ERBIN: variants seen among roughly 807,000 people sequenced by gnomAD.
ERBIN encodes erbb2 interacting protein.
In ERBIN, 60 loss-of-function variants were observed where a neutral mutation model predicts 158.4. The ratio of observed to expected loss-of-function variants is 0.38; its 90% CI spans 0.31 to 0.47. ERBIN has a LOEUF of 0.47. Ranked by LOEUF, ERBIN falls within the 20% of genes least tolerant of loss-of-function variation. The pLI is 0.99. For synonymous variants in ERBIN, 594 were observed against 557.2 expected (o/e 1.07, Z -0.93); for missense variants, 1,610 against 1,648.0 (o/e 0.98, Z 0.40).
rs1762348176 is a variant in ERBIN, at chr5:66,080,691, T to C, written c.*2161T>C. 6.6e-6 allele frequency: 1 copy of C among 152,080 alleles called. No homozygotes were observed. Among genetic ancestry groups the C allele is most frequent in the Non-Finnish European group, 1.5e-5 (1 of 67,920 alleles). The allele number at this position is 152,080 out of a possible 1,614,324, so 9.4% of individuals were successfully genotyped here. ...TTCAACTACTTTACCTTGAACCACA[T>C]ATACCAATTATAATTTTGGAAAAGG... On this transcript the variant is annotated 3_prime_UTR_variant, in exon 26 of 26. Transcript: ENST00000284037.
chr5:65,958,524 G>A (rs767731892), intron 1 of ERBIN, among the ~76,000 whole-genome samples: 2 of 152,182 alleles, frequency 1.3e-5, no homozygotes, highest in Non-Finnish European at 2.9e-5. Context: ...GGCAGGCTGA[G>A]GCAGGAGAAT....
Position 65,965,382 on chromosome 5 carries a change from G to GTTTT in ERBIN, c.-57-23215_-57-23212dup, listed in dbSNP as rs200847060. On this transcript the variant is annotated intron_variant, in intron 1 of 25. Coordinates refer to ENST00000284037, the MANE Select transcript of ERBIN (RefSeq NM_001253697.2). ...GTTCTTACCAGATTTGTTTTTTGTT[G>GTTTT]TTTTTTTTTTTTTTTTTTTTTTTTT... 9.8e-4 allele frequency among the ~76,000 whole-genome samples: 94 copies of GTTTT among 96,036 alleles called. 3 individuals carry two copies. Among genetic ancestry groups the GTTTT allele is most frequent in the Non-Finnish European group, 1.4e-3 (68 of 48,692 alleles). The allele number at this position is 96,036 out of a possible 152,430, so 63.0% of individuals were successfully genotyped here.
At chr5:65,947,868 A>T (rs890875303) in intron 1 of ERBIN, among the ~76,000 whole-genome samples, 3 of 152,002 alleles carry the variant, frequency 2.0e-5, no homozygotes, top group African/African-American at 7.3e-5. Flanking sequence ...TTAGCCAGGC[A>T]TGGTGGCAGG....
intron 1 of ERBIN, among the ~76,000 whole-genome samples, chr5:65,963,990 G>A (rs55716570): frequency 0.055 from 8,307 of 151,932 alleles, 468 homozygotes; most frequent in African/African-American, 0.15. Flanking sequence ...TAGTAGAGAC[G>A]GGGTTTCACC....
In ERBIN at chr5:66,054,470, C is replaced by A; in HGVS notation, c.3152C>A (p.Ala1051Glu). The change falls in exon 21 of 26, where the codon GCA (alanine) becomes GAA (glutamate). Residue 1051 changes from alanine (A) to glutamate (E), a missense_variant. Ala to Glu is a moderately radical substitution (Grantham distance 107). Around this residue, in one of 2 missense-constraint regions of ERBIN, gnomAD observed 1,014 missense variants for 936.1 expected, o/e 1.08. Coordinates refer to ENST00000284037, the MANE Select transcript of ERBIN (RefSeq NM_001253697.2). The stretch of plus-strand genomic sequence containing the variant: ...CATTTACATCAGAGACTTGGCCCAG[C>A]AAGACATGGGGAAATGTGGGCCATC... ...AYHLHQRLGP[A>E]RHGEMWAISP... The A allele has an allele frequency of 6.2e-7, 1 of 1,614,140 alleles. No homozygotes were observed. Among genetic ancestry groups the A allele is most frequent in the Non-Finnish European group, 8.5e-7 (1 of 1,180,020 alleles).
intron 25 of ERBIN, 115 bp from the exon 26 acceptor site, chr5:66,078,308 T>C (rs933970882): frequency 3.0e-6 from 2 of 673,614 alleles, no homozygotes; most frequent in African/African-American, 2.2e-5. Flanking sequence ...AATCTGTATG[T>C]TATTTTAAGT....
At chr5:65,939,503 G>GCTCTCC (rs1321811872) in intron 1 of ERBIN, among the ~76,000 whole-genome samples, 5 of 150,432 alleles carry the variant, frequency 3.3e-5, no homozygotes, top group East Asian at 2.0e-4. Context: ...AGGTGCCTCC[G>GCTCTCC]CTCTCCCTCT....
At chr5:65,931,851 T>C (rs1417569102) in intron 1 of ERBIN, among the ~76,000 whole-genome samples, 1 of 148,712 alleles carries the variant, frequency 6.7e-6, no homozygotes, top group Non-Finnish European at 1.5e-5. Flanking sequence ...TGGAGTTTGC[T>C]CTTGTTGCCC....
At chr5:66,051,076 C>T (rs1432845817) in intron 20 of ERBIN, 110 bp downstream of exon 20, 6 of 639,746 alleles carry the variant, frequency 9.4e-6, no homozygotes, top group African/African-American at 2.0e-5. Flanking sequence ...GAAGTGGTTC[C>T]AGTAATATGT....
rs1159083729 is a variant in ERBIN at position 66,072,147 on chromosome 5, CTTTTTAT to C, written c.3634-19_3634-13del. On this transcript the variant is annotated splice_polypyrimidine_tract_variant and intron_variant, in intron 21 of 25. Coordinates refer to ENST00000284037, the MANE Select transcript of ERBIN (RefSeq NM_001253697.2). Reference sequence around the variant, plus strand: ...CATCTTAAAGAACATTATTTGTTTACTTTTTATTTCCTGCTCATTAGAAGCATCCCCA... The same window carrying C: ...CATCTTAAAGAACATTATTTGTTTACTTCCTGCTCATTAGAAGCATCCCCA... 5.2e-6 allele frequency: 8 copies of C among 1,544,026 alleles called. No homozygotes were observed. Among genetic ancestry groups the C allele is most frequent in the African/African-American group, 2.8e-5 (2 of 72,680 alleles).
intron 3 of ERBIN, 114 bp downstream of exon 3, chr5:65,993,021 G>A (rs1419019113): frequency 2.4e-6 from 2 of 843,046 alleles, no homozygotes; most frequent in African/African-American, 1.7e-5. Context: ...GAATTTTTTG[G>A]TTTAATTGTA....
intron 4 of ERBIN, among the ~76,000 whole-genome samples, chr5:66,006,043 A>C (rs1753555140): frequency 6.6e-6 from 1 of 151,524 alleles, no homozygotes; most frequent in South Asian, 2.1e-4. Flanking sequence ...TGCAAAAAAA[A>C]CTAAAGTTCA....
intron 1 of ERBIN, among the ~76,000 whole-genome samples, chr5:65,975,611 G>A (rs1386276648): frequency 1.3e-5 from 2 of 152,102 alleles, no homozygotes; most frequent in African/African-American, 4.8e-5. Flanking sequence ...CGGCTAGATT[G>A]TCTATTGAAT....
At chr5:65,950,633 C>A (rs1312862493) in intron 1 of ERBIN, among the ~76,000 whole-genome samples, 1 of 152,208 alleles carries the variant, frequency 6.6e-6, no homozygotes, top group African/African-American at 2.4e-5. Flanking sequence ...AAGCCCAGCT[C>A]ACCCTTAGGG....
intron 21 of ERBIN, among the ~76,000 whole-genome samples, chr5:66,061,585 T>G (rs1036879176): frequency 1.6e-4 from 25 of 152,316 alleles, no homozygotes; most frequent in African/African-American, 6.0e-4. Flanking sequence ...ATCCTGTCAT[T>G]ATGATGTTAG....
chr5:65,979,995 A>G (rs969962214), intron 1 of ERBIN, among the ~76,000 whole-genome samples: 1 of 152,270 alleles, frequency 6.6e-6, no homozygotes, highest in Non-Finnish European at 1.5e-5. Flanking sequence ...ATGAATGAAG[A>G]ATGTATATTG....
chr5:65,962,048 T>C (rs1747985143), intron 1 of ERBIN, among the ~76,000 whole-genome samples: 1 of 152,188 alleles, frequency 6.6e-6, no homozygotes, highest in African/African-American at 2.4e-5. Context: ...GCTAGAGTAA[T>C]TACTAGAGTG....
At chr5:65,976,206 G>T (rs754185058) in intron 1 of ERBIN, among the ~76,000 whole-genome samples, 2 of 152,182 alleles carry the variant, frequency 1.3e-5, no homozygotes, top group Non-Finnish European at 2.9e-5. Flanking sequence ...GGGCACAGTG[G>T]CTTACACCTA....
rs192786207 is a variant in ERBIN at position 65,996,408 on chromosome 5, C to T, written c.307+1544C>T. Among the ~76,000 whole-genome samples, 4 of 152,106 alleles carry T rather than the reference C, an allele frequency of 2.6e-5. No individual in the cohort carries two copies. In the East Asian group the frequency reaches 5.8e-4, roughly 22 times the overall value. On this transcript the variant is annotated intron_variant, in intron 4 of 25. Coordinates refer to ENST00000284037, the MANE Select transcript of ERBIN (RefSeq NM_001253697.2). The stretch of plus-strand genomic sequence containing the variant: ...CATTTATTGAAGAGACTGTCCTTTA[C>T]CCATTGTGTGTTCTTGGCACCTTTG...
Sources: gnomAD v4.1 joint callset for allele counts (sites outside exome capture counted in the v4.1 genomes callset) on GRCh38, gnomAD v4.1.1 for gene constraint, gnomAD v4.1.1 regional missense constraint, MANE v1.5 for transcripts, NCBI Gene and HGNC (gene_info 2026-07-23, HGNC 2026-07-21) for gene names.